The following CEMIP2 variants were observed in gnomAD, a reference collection of about 807,000 sequenced individuals.
CEMIP2 encodes the protein cell surface hyaluronidase CEMIP2.
A neutral mutation model predicts 146.9 loss-of-function variants in CEMIP2; 79 were observed. The ratio of observed to expected loss-of-function variants is 0.54; its 90% confidence interval spans 0.45 to 0.65. The LOEUF (loss-of-function observed/expected upper bound fraction) is 0.65, where lower values mean the gene tolerates loss of function less well. CEMIP2 is among the 30% of genes least tolerant of loss of function. The pLI, the probability that CEMIP2 is intolerant of heterozygous loss-of-function variation, is 0.00. For synonymous variants in CEMIP2, 601 were observed against 606.3 expected (o/e 0.99, Z 0.13); for missense variants, 1,596 against 1,696.2 (o/e 0.94, Z 1.04).
chr9:71,747,168 GA>G (rs1214337591), intron 2 of CEMIP2, among the ~76,000 whole-genome samples: 1 of 151,880 alleles, frequency 6.6e-6, no homozygotes, highest in Non-Finnish European at 1.5e-5. Context: ...GAAGAGGGGA[GA>G]AAAAAAATCA....
chr9:71,752,173 AT>A (rs1299428711), intron 1 of CEMIP2, among the ~76,000 whole-genome samples: 1 of 151,804 alleles, frequency 6.6e-6, no homozygotes, highest in Non-Finnish European at 1.5e-5. Context: ...AAACCTAGGT[AT>A]TTTTACTCTA....
chr9:71,755,315 A>T (rs1300048024), intron 1 of CEMIP2, among the ~76,000 whole-genome samples: 1 of 145,842 alleles, frequency 6.9e-6, no homozygotes, highest in East Asian at 2.0e-4. Flanking sequence ...ATTCAAGACC[A>T]GCCTGGGAAC....
chr9:71,715,652 T>TC (rs981466424), intron 14 of CEMIP2, among the ~76,000 whole-genome samples: 1 of 60,372 alleles, frequency 1.7e-5, no homozygotes, highest in Non-Finnish European at 5.9e-5. Flanking sequence ...ATATATACTT[T>TC]TTTTTTTTTA....
At chr9:71,731,793 C>T (rs1324855283) in intron 7 of CEMIP2, among the ~76,000 whole-genome samples, 1 of 151,524 alleles carries the variant, frequency 6.6e-6, no homozygotes, top group Non-Finnish European at 1.5e-5. Flanking sequence ...CTACTCAATG[C>T]ACAAAAAGTG....
At chr9:71,740,697 A>G (rs569956573) in intron 4 of CEMIP2, among the ~76,000 whole-genome samples, 17 of 152,338 alleles carry the variant, frequency 1.1e-4, no homozygotes, top group African/African-American at 4.1e-4. Context: ...AAAGGGAATC[A>G]TGTTAATAAT....
At chr9:71,691,621 C>T (rs1471679639) in intron 21 of CEMIP2, among the ~76,000 whole-genome samples, 1 of 151,980 alleles carries the variant, frequency 6.6e-6, no homozygotes, top group African/African-American at 2.4e-5. Context: ...CAGACTGCCC[C>T]CATGAAAAGT....
chr9:71,754,897 G>GT (rs998735496), intron 1 of CEMIP2, among the ~76,000 whole-genome samples: 3 of 32,158 alleles, frequency 9.3e-5, no homozygotes, highest in Non-Finnish European at 8.5e-5. Flanking sequence ...TACAAATGCT[G>GT]TTAAAAAAAA....
chr9:71,740,292 A>G, intron 4 of CEMIP2, 60 bp from the exon 5 acceptor site: 1 of 1,578,238 alleles, frequency 6.3e-7, no homozygotes, highest in Non-Finnish European at 8.6e-7. Flanking sequence ...AAAATCCCTG[A>G]CAAAGATGTT....
intron 2 of CEMIP2, among the ~76,000 whole-genome samples, chr9:71,747,795 A>G (rs543535862): frequency 2.6e-4 from 39 of 152,306 alleles, no homozygotes; most frequent in Non-Finnish European, 4.1e-4. Flanking sequence ...ACAATGCCCT[A>G]GGTTTATGCT....
chr9:71,744,124 C>T (rs746583958), intron 4 of CEMIP2, among the ~76,000 whole-genome samples: 3 of 152,150 alleles, frequency 2.0e-5, no homozygotes, highest in South Asian at 2.1e-4. Context: ...CCTATGAAGC[C>T]GATGTTTTGG....
At chr9:71,731,813 C>T (rs150065179) in intron 7 of CEMIP2, among the ~76,000 whole-genome samples, 78 of 151,396 alleles carry the variant, frequency 5.2e-4, no homozygotes, top group African/African-American at 1.8e-3. Flanking sequence ...GATTTAAAAA[C>T]ACATGTAGCC....
intron 16 of CEMIP2, 36 bp downstream of exon 16, chr9:71,712,043 TCACC>T: frequency 6.3e-7 from 1 of 1,594,588 alleles, no homozygotes; most frequent in Admixed American, 1.7e-5. Context: ...CCTCCTTTTT[TCACC>T]ATAGTCACTA....
chr9:71,700,149 C>T (rs543096210), intron 19 of CEMIP2, among the ~76,000 whole-genome samples: 2 of 152,148 alleles, frequency 1.3e-5, no homozygotes, highest in South Asian at 4.1e-4. Context: ...CCAACAGGAC[C>T]CCAGAAGAAC....
chr9:71,761,266 G>GA (rs1395160042), intron 1 of CEMIP2, among the ~76,000 whole-genome samples: 9 of 152,126 alleles, frequency 5.9e-5, no homozygotes, highest in South Asian at 2.1e-4. Flanking sequence ...TTCTCAGGAA[G>GA]AAAAAACCAA....
At chr9:71,756,215 G>GATAGATAGACAGACAGA (rs1824439249) in intron 1 of CEMIP2, among the ~76,000 whole-genome samples, 1 of 105,168 alleles carries the variant, frequency 9.5e-6, no homozygotes, top group Non-Finnish European at 2.2e-5. Context: ...AGATAGATAG[G>GATAGATAGACAGACAGA]CTATATATAT....
intron 15 of CEMIP2, among the ~76,000 whole-genome samples, chr9:71,713,536 A>T (rs1822968205): frequency 6.6e-6 from 1 of 152,246 alleles, no homozygotes; most frequent in Non-Finnish European, 1.5e-5. Context: ...TTTCCATTAA[A>T]TAATGAGAAA....
chr9:71,754,578 A>T (rs187303345), intron 1 of CEMIP2, among the ~76,000 whole-genome samples: 1 of 152,346 alleles, frequency 6.6e-6, no homozygotes, highest in African/African-American at 2.4e-5. Context: ...CAAACTACAG[A>T]CTGTGACAAC....
intron 1 of CEMIP2, among the ~76,000 whole-genome samples, chr9:71,766,955 G>C (rs1165278228): frequency 6.6e-6 from 1 of 152,200 alleles, no homozygotes; most frequent in Non-Finnish European, 1.5e-5. Flanking sequence ...GGTGTGAAGA[G>C]AAAAGCACTC....
intron 13 of CEMIP2, among the ~76,000 whole-genome samples, chr9:71,716,938 G>A (rs1159530520): frequency 1.3e-5 from 2 of 152,194 alleles, no homozygotes; most frequent in Non-Finnish European, 2.9e-5. Flanking sequence ...TTGGGAGGCT[G>A]AGGCAGGAGA....
Sources: gnomAD v4.1 joint callset for allele counts (sites outside exome capture counted in the v4.1 genomes callset) on GRCh38, gnomAD v4.1.1 for gene constraint, MANE v1.5 for transcripts, NCBI Gene and HGNC (gene_info 2026-07-23, HGNC 2026-07-21) for gene names.